NT5C1B: variants seen among roughly 807,000 people sequenced by gnomAD.
The protein encoded by NT5C1B is cytosolic 5'-nucleotidase 1B.
Under a neutral mutation model 57.8 loss-of-function variants are expected in NT5C1B, and 44 were observed. The observed-to-expected ratio is 0.76, with a 90% CI of 0.60 to 0.98. The LOEUF (loss-of-function observed/expected upper bound fraction) is 0.98. Ranked by LOEUF, NT5C1B falls within the 50% of genes least tolerant of loss-of-function variation. The pLI is 0.00. For synonymous variants in NT5C1B, 284 were observed against 282.6 expected, an observed-to-expected ratio of 1.00 and a Z score of -0.05; for missense variants, 742 against 719.5, an observed-to-expected ratio of 1.03 and a Z score of -0.36.
rs1449605690 is a variant in NT5C1B at position 18,564,253 on chromosome 2, T to C, written c.1330-134A>G. ...ATGACATGCAGTGTTATGAAGCTGA[T>C]GGCAAAATGCTAAAACTTGATAGGA... On this transcript the variant is annotated intron_variant, in intron 8 of 8. Coordinates refer to ENST00000304081, the Ensembl canonical transcript of NT5C1B. 6.7e-6 allele frequency: 7 copies of C among 1,045,864 alleles called. No homozygotes were observed. The South Asian group carries it at 1.5e-4, about 22-fold the overall frequency. The allele number at this position is 1,045,864 out of a possible 1,614,324, so 64.8% of individuals were successfully genotyped here. A position where few individuals can be genotyped will look rare whatever the true frequency, so the allele number is the denominator to read the frequency against.
intron 6 of NT5C1B, among the ~76,000 whole-genome samples, chr2:18,581,055 A>G (rs934247133): frequency 2.0e-5 from 3 of 152,244 alleles, no homozygotes; most frequent in Admixed American, 1.3e-4. Flanking sequence ...ATTTAGCCAT[A>G]TAACAGTGAA....
chr2:18,586,489 G>A, intron 2 of NT5C1B, 98 bp from the exon 3 acceptor site: 1 of 1,529,028 alleles, frequency 6.5e-7, no homozygotes, highest in South Asian at 1.3e-5. Context: ...GAATATAGCA[G>A]CACCCAGTGA....
At chr2:18,587,882 G>C (rs1174165984) in intron 1 of NT5C1B, among the ~76,000 whole-genome samples, 1 of 152,140 alleles carries the variant, frequency 6.6e-6, no homozygotes, top group Non-Finnish European at 1.5e-5. Flanking sequence ...GGAAATATTA[G>C]AGAATTGTGA....
chr2:18,582,782 TG>T, intron 6 of NT5C1B, 85 bp downstream of exon 6: 1 of 1,538,304 alleles, frequency 6.5e-7, no homozygotes, highest in East Asian at 2.3e-5. Flanking sequence ...ACACTGCATT[TG>T]GTTAAGCCAC....
At chr2:18,569,161 G>T (rs1024497527) in intron 8 of NT5C1B, among the ~76,000 whole-genome samples, 1 of 152,170 alleles carries the variant, frequency 6.6e-6, no homozygotes, top group African/African-American at 2.4e-5. Flanking sequence ...ATGTTGTAGA[G>T]TATAACATTG....
rs148193506 is a variant in NT5C1B at position 18,582,869 on chromosome 2, G to T, written c.1020C>A (p.Tyr340Ter). 4 of 1,613,096 alleles carry T rather than the reference G, an allele frequency of 2.5e-6. No individual in the cohort carries two copies. The South Asian group carries it at 4.4e-5, about 18-fold the overall frequency. Reference sequence around the variant, plus strand: ...CCACATGGTATTTATTTTACTTACCGTAGTGATTGACGCTGTTTATAAGCC... The same window carrying T: ...CCACATGGTATTTATTTTACTTACCTTAGTGATTGACGCTGTTTATAAGCC... The change falls in exon 6 of 9, where the codon TAC becomes TAA. Residue 340 changes from tyrosine (Y) to a stop codon, truncating the protein, a stop_gained and splice_region_variant. Coordinates refer to ENST00000304081, the Ensembl canonical transcript of NT5C1B. LOFTEE classifies it high-confidence loss of function.
Position 18,576,375 on chromosome 2 carries a change from G to A in NT5C1B, c.1145-7C>T. On this transcript the variant is annotated splice_polypyrimidine_tract_variant and splice_region_variant and intron_variant, in intron 7 of 8. Coordinates refer to ENST00000304081, the Ensembl canonical transcript of NT5C1B. The stretch of plus-strand genomic sequence containing the variant: ...ATTGTCGCAGAGGCAATACCTGATA[G>A]ATCATGGAGACTGATTAATACTCTT... 6.2e-7 allele frequency: 1 copy of A among 1,608,480 alleles called. No individual in the cohort carries two copies. The highest frequency in any genetic ancestry group is 8.5e-7 in the Non-Finnish European group (1 of 1,178,334).
chr2:18,581,896 A>T (rs2148154293), intron 6 of NT5C1B, among the ~76,000 whole-genome samples: 1 of 152,344 alleles, frequency 6.6e-6, no homozygotes, highest in African/African-American at 2.4e-5. Context: ...AGGCTGCATG[A>T]GAAGGTTGTA....
intron 5 of NT5C1B, 77 bp from the exon 6 acceptor site, chr2:18,583,074 C>T: frequency 6.6e-7 from 1 of 1,517,044 alleles, no homozygotes; most frequent in Non-Finnish European, 8.8e-7. Flanking sequence ...GGAAGCATCT[C>T]ATCAGAGTCA....
At chr2:18,577,370 C>G (rs1328377395) in intron 6 of NT5C1B, among the ~76,000 whole-genome samples, 1 of 141,386 alleles carries the variant, frequency 7.1e-6, no homozygotes. Context: ...AGATGTGGCT[C>G]TCGAGATCGC....
chr2:18,580,567 A>T (rs1466075830), intron 6 of NT5C1B, among the ~76,000 whole-genome samples: 1 of 152,214 alleles, frequency 6.6e-6, no homozygotes, highest in Admixed American at 6.5e-5. Context: ...ATGAGCCGAG[A>T]TAGCACTATT....
At chr2:18,586,152 T>C (rs1666687349) in intron 3 of NT5C1B, 102 bp downstream of exon 3, 9 of 1,509,652 alleles carry the variant, frequency 6.0e-6, no homozygotes, top group Non-Finnish European at 8.0e-6. Flanking sequence ...AGCTAACACA[T>C]GTAAAGCACA....
At chr2:18,570,074 A>G (rs1018894119) in intron 8 of NT5C1B, among the ~76,000 whole-genome samples, 2 of 152,144 alleles carry the variant, frequency 1.3e-5, no homozygotes, top group African/African-American at 4.8e-5. Flanking sequence ...CTCCAAATAT[A>G]TGATAATTAA....
intron 2 of NT5C1B, chr2:18,587,135 A>G (rs3810839): frequency 1.2e-6 from 2 of 1,614,060 alleles, no homozygotes; most frequent in East Asian, 2.2e-5. Flanking sequence ...GGAAGGGGCA[A>G]CATCTCAGCG....
At chr2:18,566,328 T>C (rs1348357447) in intron 8 of NT5C1B, among the ~76,000 whole-genome samples, 1 of 152,220 alleles carries the variant, frequency 6.6e-6, no homozygotes, top group African/African-American at 2.4e-5. Context: ...CTCCCTTCTT[T>C]GCTGTCATGG....
At position 18,576,439 on chromosome 2, in the gene NT5C1B, AC is replaced by A. The variant is rs1021134443; in HGVS notation, c.1145-72del. 2.6e-6 allele frequency: 4 copies of A among 1,514,932 alleles called. No individual in the cohort carries two copies. The African/African-American group carries it at 5.6e-5, about 21-fold the overall frequency. The allele number at this position is 1,514,932 out of a possible 1,614,324, so 93.8% of individuals were successfully genotyped here. A position where few individuals can be genotyped will look rare whatever the true frequency, so the allele number is the denominator to read the frequency against. ...GTTATAGTTTCTACCATTAAAAAAA[AC>A]AAATTCTCCCAGACCTTATGTTTTC... On this transcript the variant is annotated intron_variant, in intron 7 of 8. Coordinates refer to ENST00000304081, the Ensembl canonical transcript of NT5C1B.
chr2:18,586,162 A>G (rs1572384587), intron 3 of NT5C1B, 92 bp downstream of exon 3: 1 of 1,537,716 alleles, frequency 6.5e-7, no homozygotes, highest in Non-Finnish European at 8.8e-7. Flanking sequence ...TGTAAAGCAC[A>G]TAAACAGGGC....
chr2:18,588,263 G>T (rs1024965833), intron 1 of NT5C1B, among the ~76,000 whole-genome samples: 3 of 152,158 alleles, frequency 2.0e-5, no homozygotes, highest in African/African-American at 7.2e-5. Flanking sequence ...TTTTCATTTG[G>T]AGGAGATACT....
At chr2:18,589,336 A>G in intron 1 of NT5C1B, 103 bp downstream of exon 1, 1 of 1,494,488 alleles carries the variant, frequency 6.7e-7, no homozygotes, top group Non-Finnish European at 9.3e-7. Flanking sequence ...CCATTATCTG[A>G]AATTATTTGA....
Sources: allele counts gnomAD v4.1 joint callset (sites outside exome capture counted in the v4.1 genomes callset), GRCh38; gene constraint gnomAD v4.1.1; transcripts MANE v1.5; gene names NCBI Gene and HGNC (gene_info 2026-07-23, HGNC 2026-07-21).